The following ANGPTL2 variants were observed in gnomAD, a reference collection of about 807,000 sequenced individuals.
The protein encoded by ANGPTL2 is angiopoietin-related protein 2.
Under a neutral mutation model 52.8 loss-of-function variants are expected in ANGPTL2, and 25 were observed. The ratio of observed to expected loss-of-function variants is 0.47; its 90% CI spans 0.35 to 0.66. ANGPTL2 has a LOEUF of 0.66. ANGPTL2 is among the 30% of genes least tolerant of loss of function. The pLI, the probability that ANGPTL2 is intolerant of heterozygous loss-of-function variation, is 0.01. For synonymous variants in ANGPTL2, 276 were observed against 277.4 expected (o/e 1.00, Z 0.05); for missense variants, 546 against 656.9 (o/e 0.83, Z 1.84).
At chr9:127,101,906 TA>T (rs894983155) in intron 2 of ANGPTL2, among the ~76,000 whole-genome samples, 2 of 152,288 alleles carry the variant, frequency 1.3e-5, no homozygotes, top group East Asian at 1.9e-4. Context: ...AAAAGTAACT[TA>T]TTTTTTTTTA....
Position 127,108,073 on chromosome 9 carries a change from G to A in ANGPTL2, c.659C>T (p.Ala220Val), listed in dbSNP as rs1281737162. The A allele has an allele frequency of 1.6e-5, 26 of 1,610,180 alleles. No individual in the cohort carries two copies. The highest frequency in any genetic ancestry group is 2.2e-5 in the Non-Finnish European group (26 of 1,177,898). Residue 220 changes from alanine to valine, a missense_variant, in exon 2 of 5, where the codon GCC becomes GTC. Ala to Val is a moderately conservative substitution (Grantham distance 64). This residue lies in a region of ANGPTL2 where 285 missense variants were observed against 295.8 expected (regional missense o/e 0.96). Transcript: ENST00000373425. ...GGGTGGTTGGTAGACCCGGGGCGGG[G>A]CAGCGGGGGGTGGCTGGGGGACGGG... Reference protein sequence around the residue: ...ARPVPQPPPAAPPRVYQPPTY... With the variant: ...ARPVPQPPPAVPPRVYQPPTY...
chr9:127,094,707 C>G (rs766468850), intron 2 of ANGPTL2, among the ~76,000 whole-genome samples: 1 of 152,230 alleles, frequency 6.6e-6, no homozygotes, highest in Non-Finnish European at 1.5e-5. Flanking sequence ...TTGGCACTCA[C>G]GCATTCTGAG....
At chr9:127,092,091 A>C in intron 3 of ANGPTL2, 151 bp from the exon 4 acceptor site, 1 of 932,318 alleles carries the variant, frequency 1.1e-6, no homozygotes, top group Non-Finnish European at 1.6e-6. Flanking sequence ...CCACCTCTTA[A>C]TCTCTCCATG....
Position 127,091,879 on chromosome 9 carries a change from G to A in ANGPTL2, c.1073C>T (p.Thr358Met), listed in dbSNP as rs752232897. ...CAGGAGTTTGTAGTTGCCTTGGTTC[G>A]TCAGCCAGTAAATGTTCTCCAGGCC... The part of the protein sequence containing the change: ...WLGLENIYWL[T>M]NQGNYKLLVT... The change falls in exon 4 of 5, where the codon ACG becomes ATG. Residue 358 changes from threonine (T) to methionine (M), a missense_variant. Physicochemically the swap from Thr to Met is moderately conservative, Grantham distance 81 (BLOSUM62 -1). Transcript: ENST00000373425. This position sits in a 1 kb window ranked among gnomAD's most constrained non-coding sequence, Gnocchi z 4.3. 6.8e-5 allele frequency: 110 copies of A among 1,614,008 alleles called. No homozygotes were observed. The highest frequency in any genetic ancestry group is 9.1e-5 in the Non-Finnish European group (107 of 1,180,040).
intron 2 of ANGPTL2, among the ~76,000 whole-genome samples, chr9:127,104,584 G>A (rs929975626): frequency 6.6e-6 from 1 of 152,242 alleles, no homozygotes; most frequent in African/African-American, 2.4e-5. Flanking sequence ...AGCCAGGGAA[G>A]CCAGGAGCTG....
At chr9:127,120,805 G>A (rs973325542) in intron 1 of ANGPTL2, among the ~76,000 whole-genome samples, 12 of 151,236 alleles carry the variant, frequency 7.9e-5, no homozygotes, top group Non-Finnish European at 1.5e-4. Context: ...TCCAGCCTGG[G>A]TGACAGAGCG....
intron 1 of ANGPTL2, among the ~76,000 whole-genome samples, chr9:127,116,299 C>G (rs999194518): frequency 2.0e-5 from 3 of 151,768 alleles, no homozygotes; most frequent in African/African-American, 7.3e-5. Context: ...GGGTTGTGGT[C>G]ACACCATGAG....
At chr9:127,096,084 C>A (rs1407729707) in intron 2 of ANGPTL2, among the ~76,000 whole-genome samples, 1 of 152,218 alleles carries the variant, frequency 6.6e-6, no homozygotes, top group Non-Finnish European at 1.5e-5. Context: ...ATGCTCCCCA[C>A]CCCAGGGTAG....
At chr9:127,089,177 G>C in intron 4 of ANGPTL2, 39 bp from the exon 5 acceptor site, 1 of 1,607,510 alleles carries the variant, frequency 6.2e-7, no homozygotes, top group Non-Finnish European at 8.5e-7. Context: ...TCTGGGAGGA[G>C]GCCATTCTAC....
chr9:127,102,390 A>G (rs1026686378), intron 2 of ANGPTL2, among the ~76,000 whole-genome samples: 1 of 152,106 alleles, frequency 6.6e-6, no homozygotes, highest in East Asian at 1.9e-4. Flanking sequence ...TTAATACTAT[A>G]CAAGTTCACC....
chr9:127,108,846 G>C, intron 1 of ANGPTL2, 66 bp from the exon 2 acceptor site: 1 of 1,164,602 alleles, frequency 8.6e-7, no homozygotes, highest in South Asian at 1.6e-5. Flanking sequence ...TGCCATCAGT[G>C]ATCCCAGCCT....
At chr9:127,115,991 G>A (rs2055372498) in intron 1 of ANGPTL2, among the ~76,000 whole-genome samples, 3 of 152,162 alleles carry the variant, frequency 2.0e-5, no homozygotes, top group Admixed American at 6.5e-5. Context: ...AAGGCACCTG[G>A]GGAGTCTGGA....
At chr9:127,092,265 G>A (rs534981140) in intron 3 of ANGPTL2, among the ~76,000 whole-genome samples, 1 of 152,324 alleles carries the variant, frequency 6.6e-6, no homozygotes, top group South Asian at 2.1e-4. Context: ...CACTAAGTAG[G>A]CACGCAGCAG....
intron 2 of ANGPTL2, among the ~76,000 whole-genome samples, chr9:127,098,628 C>A (rs1393798093): frequency 6.6e-6 from 1 of 152,162 alleles, no homozygotes; most frequent in Non-Finnish European, 1.5e-5. Flanking sequence ...CACTGCCATA[C>A]CCTGGTAAGT....
chr9:127,100,681 C>T (rs2053632737), intron 2 of ANGPTL2, among the ~76,000 whole-genome samples: 1 of 152,144 alleles, frequency 6.6e-6, no homozygotes, highest in African/African-American at 2.4e-5. Context: ...GGCCATGGCT[C>T]TGTCAGAGAC....
chr9:127,116,911 GATTTGT>G (rs1207799685), intron 1 of ANGPTL2, among the ~76,000 whole-genome samples: 27 of 152,210 alleles, frequency 1.8e-4, no homozygotes, highest in South Asian at 6.2e-4. Flanking sequence ...CCCAGTAACA[GATTTGT>G]CTAACCCAGG....
intron 2 of ANGPTL2, among the ~76,000 whole-genome samples, chr9:127,095,588 C>T (rs1016150148): frequency 6.6e-6 from 1 of 152,216 alleles, no homozygotes; most frequent in African/African-American, 2.4e-5. Flanking sequence ...CTCTGACGCC[C>T]TGCAAGGGAG....
chr9:127,101,551 CTTCA>C (rs2053730679), intron 2 of ANGPTL2, among the ~76,000 whole-genome samples: 1 of 152,208 alleles, frequency 6.6e-6, no homozygotes, highest in Non-Finnish European at 1.5e-5. Flanking sequence ...CCTTTGCTAC[CTTCA>C]TTCTGTGCTT....
At chr9:127,101,228 A>G (rs1230007296) in intron 2 of ANGPTL2, among the ~76,000 whole-genome samples, 1 of 152,250 alleles carries the variant, frequency 6.6e-6, no homozygotes, top group Non-Finnish European at 1.5e-5. Context: ...TGTGCTTTGC[A>G]CACCGTTTCA....
Sources: gnomAD v4.1 joint callset for allele counts (sites outside exome capture counted in the v4.1 genomes callset) on GRCh38, gnomAD v4.1.1 for gene constraint, gnomAD v4.1.1 regional missense constraint, Gnocchi (gnomAD v3.1) non-coding constraint, MANE v1.5 for transcripts, NCBI Gene and HGNC (gene_info 2026-07-23, HGNC 2026-07-21) for gene names.